Variants in UBR4 observed in about 807,000 individuals in gnomAD.
UBR4 encodes ubiquitin protein ligase E3 component n-recognin 4, also known as E3 ubiquitin-protein ligase UBR4.
UBR4 carries 124 observed loss-of-function variants against 575.6 expected under a neutral mutation model. The ratio of observed to expected loss-of-function variants is 0.22; its 90% CI spans 0.19 to 0.25. The LOEUF (loss-of-function observed/expected upper bound fraction) is 0.25, where lower values mean the gene tolerates loss of function less well. UBR4 is among the 10% of genes least tolerant of loss of function. UBR4 has a pLI of 1.00. For missense variants in UBR4, 4,818 were observed against 6,478.8 expected (o/e 0.74, Z 8.80); for synonymous variants, 2,455 against 2,473.7 (o/e 0.99, Z 0.22).
chr1:19,170,294 G>A (rs1297510870), intron 26 of UBR4, among the ~76,000 whole-genome samples: 2 of 152,222 alleles, frequency 1.3e-5, no homozygotes, highest in African/African-American at 2.4e-5. Context: ...AGCTACTTGG[G>A]AGGCTGCGGC....
intron 97 of UBR4, among the ~76,000 whole-genome samples, chr1:19,092,195 A>G (rs1416792286): frequency 6.6e-6 from 1 of 152,130 alleles, no homozygotes; most frequent in Non-Finnish European, 1.5e-5. Context: ...TGATGTCTAT[A>G]TCCTGGTTGT....
chr1:19,167,959 C>T, intron 28 of UBR4, 68 bp downstream of exon 28: 2 of 1,430,688 alleles, frequency 1.4e-6, no homozygotes, highest in South Asian at 3.3e-5. Context: ...ATAAAACTCT[C>T]ACTGTCCCTC....
rs2151628906 is a variant in UBR4 at position 19,198,672 on chromosome 1, G to C, written c.517C>G (p.Gln173Glu). 6.2e-7 allele frequency: 1 copy of C among 1,614,018 alleles called. No individual in the cohort carries two copies. Among genetic ancestry groups the C allele is most frequent in the Admixed American group, 1.7e-5 (1 of 59,988 alleles). The change falls in exon 5 of 106, where the codon CAG (glutamine) becomes GAG (glutamate). Residue 173 changes from glutamine to glutamate, a missense_variant. Coordinates refer to ENST00000375254, the MANE Select transcript of UBR4 (RefSeq NM_020765.3). ...CTTACTGGTGAGGCCAGCTCTTTCTGATCTTCCACTGTAAAATACAAAGGC... is the reference window on the plus strand; with the variant it reads ...CTTACTGGTGAGGCCAGCTCTTTCTCATCTTCCACTGTAAAATACAAAGGC... Reference protein sequence around the residue: ...TVKTLSDVEDQKELASPVSPE... With the variant: ...TVKTLSDVEDEKELASPVSPE...
intron 59 of UBR4, 110 bp from the exon 60 acceptor site, chr1:19,138,291 A>C: frequency 8.5e-7 from 1 of 1,176,796 alleles, no homozygotes; most frequent in Non-Finnish European, 1.1e-6. Flanking sequence ...GCATTAGACA[A>C]TAACTGGTAG....
At chr1:19,128,737 CT>C (rs957957574) in intron 61 of UBR4, among the ~76,000 whole-genome samples, 3 of 152,214 alleles carry the variant, frequency 2.0e-5, no homozygotes, top group African/African-American at 7.2e-5. Flanking sequence ...CAGAAGTGGG[CT>C]TTTGCACTGG....
Position 19,141,912 on chromosome 1 carries a change from G to A in UBR4, c.8180-135C>T, listed in dbSNP as rs926747203. On this transcript the variant is annotated intron_variant, in intron 55 of 105. Transcript: ENST00000375254. ...CCTGGGCTTTAGCGGGAGAACTCCG[G>A]GGTGCTATGCCTGGCCTTGTTCTCT... 5 of 1,266,108 alleles carry A rather than the reference G, an allele frequency of 3.9e-6. No homozygotes were observed. The African/African-American group carries it at 6.0e-5, about 15-fold the overall frequency. The allele number at this position is 1,266,108 out of a possible 1,614,324, so 78.4% of individuals were successfully genotyped here. A position where few individuals can be genotyped will look rare whatever the true frequency, so the allele number is the denominator to read the frequency against.
intron 42 of UBR4, 116 bp from the exon 43 acceptor site, chr1:19,155,784 AGT>A: frequency 1.2e-6 from 1 of 867,450 alleles, no homozygotes; most frequent in South Asian, 1.7e-5. Context: ...TTCTCCATTC[AGT>A]AAAAAAATGG....
intron 31 of UBR4, 51 bp from the exon 32 acceptor site, chr1:19,165,048 G>T (rs1272436341): frequency 6.3e-7 from 1 of 1,598,820 alleles, no homozygotes; most frequent in Non-Finnish European, 8.6e-7. Flanking sequence ...AAGAGGAAGA[G>T]AAAGAAGGGG....
Position 19,193,523 on chromosome 1 carries a change from A to G in UBR4, c.1053T>C (p.His351=), listed in dbSNP as rs1313261332. 5.6e-6 allele frequency: 9 copies of G among 1,614,122 alleles called. No individual in the cohort carries two copies. The highest frequency in any genetic ancestry group is 1.6e-4 in the Middle Eastern group (1 of 6,062). ...VSVATCMAIL[H]VGSAQQVRTG... ...TCCGCACTTGCTGGGCACTACCCAC[A>G]TGGAGGATGGCCATGCACGTTGCCA... Residue 351 remains histidine (H), a synonymous_variant, in exon 9 of 106, where the codon CAT becomes CAC. Transcript: ENST00000375254.
At chr1:19,201,649 T>C (rs188372569) in intron 2 of UBR4, 69 bp downstream of exon 2, 5 of 1,379,012 alleles carry the variant, frequency 3.6e-6, no homozygotes, top group African/African-American at 2.9e-5. Flanking sequence ...TCAGATACAC[T>C]AACGAGAGGA....
chr1:19,173,388 A>T (rs1379269097), intron 23 of UBR4, 51 bp downstream of exon 23: 1 of 1,612,042 alleles, frequency 6.2e-7, no homozygotes, highest in Admixed American at 1.7e-5. Flanking sequence ...AGCTCCAGTA[A>T]GCACAAAGCA....
rs927359815 is a variant in UBR4 at position 19,153,959 on chromosome 1, C to T, written c.6459-20G>A. On this transcript the variant is annotated intron_variant, in intron 44 of 105. Coordinates refer to ENST00000375254, the MANE Select transcript of UBR4 (RefSeq NM_020765.3). The surrounding 1 kb of genome is among the most constrained non-coding windows in gnomAD (Gnocchi z 4.1). ...TTGGAACTGCAGACAACAAAACTGG[C>T]CACAGTTAGAGTGTCAGTCACCATT... 1 of 1,610,284 alleles carries T rather than the reference C, an allele frequency of 6.2e-7. No individual in the cohort carries two copies. The highest frequency in any genetic ancestry group is 1.3e-5 in the African/African-American group (1 of 74,772).
Position 19,103,520 on chromosome 1 carries a change from G to A in UBR4, c.12901+564C>T, listed in dbSNP as rs1295698846. On this transcript the variant is annotated intron_variant, in intron 87 of 105. Transcript: ENST00000375254. ...GCAGAGGTTGCGGTGAGCCAAGATC[G>A]CGTCACTGCACTCCAGCCTGGGCAA... is the stretch of plus-strand genomic sequence containing the variant. 2.0e-5 allele frequency among the ~76,000 whole-genome samples: 3 copies of A among 152,120 alleles called. 1 individual carries two copies. The South Asian group carries it at 6.2e-4, about 32-fold the overall frequency.
Position 19,121,294 on chromosome 1 carries a change from A to C in UBR4, c.10036T>G (p.Ser3346Ala), listed in dbSNP as rs1398136791. The change falls in exon 68 of 106, where the codon TCT (serine) becomes GCT (alanine). Residue 3346 changes from serine to alanine, a missense_variant. Physicochemically the swap from Ser to Ala is moderately conservative, Grantham distance 99. Around this residue, in one of 29 missense-constraint regions of UBR4, gnomAD observed 550 missense variants for 791.5 expected, o/e 0.69. Transcript: ENST00000375254. ...GCAGCCACAGGGGCTGAGGAGGAAG[A>C]AGCACTGGAGGATCCCGAAGAGGCT... ...LAASSGSSSASSSSAPVAASS... is the reference protein window; with the variant it reads ...LAASSGSSSAASSSAPVAASS... 3 of 1,614,200 alleles carry C rather than the reference A, an allele frequency of 1.9e-6. No individual in the cohort carries two copies. The highest frequency in any genetic ancestry group is 2.5e-6 in the Non-Finnish European group (3 of 1,180,024).
intron 68 of UBR4, 147 bp downstream of exon 68, chr1:19,121,042 G>A: frequency 8.8e-7 from 1 of 1,130,416 alleles, no homozygotes; most frequent in East Asian, 2.4e-5. Context: ...TTGAAAATGA[G>A]ACCAAAAGTA....
At chr1:19,148,536 T>C (rs1164042963) in intron 50 of UBR4, 27 bp downstream of exon 50, 1 of 1,614,144 alleles carries the variant, frequency 6.2e-7, no homozygotes, top group Non-Finnish European at 8.5e-7. Flanking sequence ...TCAGAAAGCT[T>C]CCATGTGCTT....
chr1:19,179,652 T>C (rs1434366697), intron 17 of UBR4, among the ~76,000 whole-genome samples: 1 of 152,228 alleles, frequency 6.6e-6, no homozygotes. Flanking sequence ...TCCAACAATT[T>C]AGAGATCCGC....
At chr1:19,167,911 TGCTAAAGAAG>T in intron 28 of UBR4, 106 bp downstream of exon 28, 2 of 1,175,458 alleles carry the variant, frequency 1.7e-6, no homozygotes, top group African/African-American at 1.6e-5. Flanking sequence ...AGGTTCTTTT[TGCTAAAGAAG>T]TATATAAGAA....
intron 65 of UBR4, 69 bp from the exon 66 acceptor site, chr1:19,123,129 C>A: frequency 6.6e-7 from 1 of 1,522,178 alleles, no homozygotes; most frequent in Non-Finnish European, 9.0e-7. Context: ...GTGGCTCTCA[C>A]ACCCTGGGTT....
Sources: gnomAD v4.1 joint callset for allele counts (sites outside exome capture counted in the v4.1 genomes callset) on GRCh38, gnomAD v4.1.1 for gene constraint, gnomAD v4.1.1 regional missense constraint, Gnocchi (gnomAD v3.1) non-coding constraint, MANE v1.5 for transcripts, NCBI Gene and HGNC (gene_info 2026-07-23, HGNC 2026-07-21) for gene names.